Variants in PYGL observed in about 807,000 individuals in gnomAD.
PYGL encodes the protein glycogen phosphorylase L, also known as glycogen phosphorylase, liver form.
PYGL carries 90 observed loss-of-function variants against 100.1 expected under a neutral mutation model. That is an observed-to-expected ratio of 0.90 (90% CI 0.76 to 1.07). The LOEUF (loss-of-function observed/expected upper bound fraction) is 1.07. PYGL is among the 50% of genes least tolerant of loss of function. The pLI is 0.00. For missense variants in PYGL, 1,016 were observed against 1,057.6 expected, an observed-to-expected ratio of 0.96 and a Z score of 0.55; for synonymous variants, 373 against 393.0, an observed-to-expected ratio of 0.95 and a Z score of 0.60.
intron 19 of PYGL, among the ~76,000 whole-genome samples, chr14:50,907,476 A>G (rs1180296281): frequency 6.6e-6 from 1 of 152,160 alleles, no homozygotes; most frequent in Admixed American, 6.5e-5. Context: ...GGGGGCTGGC[A>G]TCTGTACTAT....
chr14:50,924,218 G>T, intron 4 of PYGL, 118 bp from the exon 5 acceptor site: 2 of 1,209,710 alleles, frequency 1.7e-6, no homozygotes, highest in Non-Finnish European at 2.3e-6. Context: ...TGAATACTGA[G>T]TACTGTTTTG....
chr14:50,935,182 C>T lies in PYGL; in HGVS notation c.349G>A (p.Gly117Arg), dbSNP rs2050643705. Residue 117 changes from glycine (G) to arginine (R), a missense_variant, in exon 3 of 20, where the codon GGA becomes AGA. By Grantham distance (125) the Gly-to-Arg change is moderately radical. Transcript: ENST00000216392. Reference protein sequence around the residue: ...NACDEAIYQLGLDIEELEEIE... With the variant: ...NACDEAIYQLRLDIEELEEIE... ...TCTTCTAACTCTTCTATATCCAATCCAAGCTGGTAATGAAAGGAAAACAAT... is the reference window on the plus strand; with the variant it reads ...TCTTCTAACTCTTCTATATCCAATCTAAGCTGGTAATGAAAGGAAAACAAT... 6.2e-7 allele frequency: 1 copy of T among 1,609,870 alleles called. No individual in the cohort carries two copies. Among genetic ancestry groups the T allele is most frequent in the Non-Finnish European group, 8.5e-7 (1 of 1,176,286 alleles).
rs556418436 is a variant in PYGL, at chr14:50,937,909, A to G, written c.244-72T>C. On this transcript the variant is annotated intron_variant, in intron 1 of 19. Transcript: ENST00000216392. ...TCACTTAACATAAAAACACAAGGTC[A>G]TGTGTTAGGTCACCAATAAGAAACA... 1.4e-5 allele frequency: 18 copies of G among 1,294,616 alleles called. No homozygotes were observed. In the South Asian group the frequency reaches 2.0e-4, roughly 14 times the overall value. 80.2% of individuals were successfully genotyped at this position (1,294,616 alleles called of 1,614,324 possible).
rs146216507 is a variant in PYGL, at chr14:50,905,725, A to G, written c.2380-169T>C. On this transcript the variant is annotated intron_variant, in intron 19 of 19. Coordinates refer to ENST00000216392, the MANE Select transcript of PYGL (RefSeq NM_002863.5). Reference sequence around the variant, plus strand: ...TCTGTTGAGAGGTAGAATAGAATGCACTTTTCTCATATTTAGAGTATAATT... The same window carrying G: ...TCTGTTGAGAGGTAGAATAGAATGCGCTTTTCTCATATTTAGAGTATAATT... Among the ~76,000 whole-genome samples, 832 of 152,340 alleles carry G rather than the reference A, an allele frequency of 5.5e-3. 6 individuals are homozygous for G. The highest frequency in any genetic ancestry group is 0.019 in the African/African-American group (793 of 41,572).
chr14:50,944,339 A>G lies in PYGL; in HGVS notation c.65T>C (p.Val22Ala). ...CTTCTTCAGCTCTGCCACGTTCTCCACGCCCACGATGCCGCGGATGCTGAT... is the reference window on the plus strand; with the variant it reads ...CTTCTTCAGCTCTGCCACGTTCTCCGCGCCCACGATGCCGCGGATGCTGAT... ...RQISIRGIVG[V>A]ENVAELKKSF... Residue 22 changes from valine to alanine, a missense_variant, in exon 1 of 20, where the codon GTG becomes GCG. Physicochemically the swap from Val to Ala is moderately conservative, Grantham distance 64. Coordinates refer to ENST00000216392, the MANE Select transcript of PYGL (RefSeq NM_002863.5). 1 of 1,613,818 alleles carries G rather than the reference A, an allele frequency of 6.2e-7. No homozygotes were observed. The highest frequency in any genetic ancestry group is 8.5e-7 in the Non-Finnish European group (1 of 1,179,832).
chr14:50,916,304 G>T (rs2050448289), intron 9 of PYGL, among the ~76,000 whole-genome samples: 1 of 152,216 alleles, frequency 6.6e-6, no homozygotes, highest in African/African-American at 2.4e-5. Flanking sequence ...TATGTAAAAT[G>T]CTGACTTCTA....
At chr14:50,933,536 C>T (rs2050621945) in intron 3 of PYGL, among the ~76,000 whole-genome samples, 1 of 152,080 alleles carries the variant, frequency 6.6e-6, no homozygotes, top group Admixed American at 6.6e-5. Context: ...TGTGGTAGTA[C>T]ATTTTTATTA....
At chr14:50,931,381 G>C (rs1482487063) in intron 4 of PYGL, among the ~76,000 whole-genome samples, 1 of 152,206 alleles carries the variant, frequency 6.6e-6, no homozygotes, top group African/African-American at 2.4e-5. Context: ...ATCACACATT[G>C]TAGGTGCTCC....
chr14:50,930,076 C>T (rs547217838), intron 4 of PYGL, among the ~76,000 whole-genome samples: 114 of 152,096 alleles, frequency 7.5e-4, no homozygotes, highest in African/African-American at 2.6e-3. Context: ...TCTATATCCT[C>T]TACTTATAGG....
Position 50,931,712 on chromosome 14 carries a change from T to C in PYGL, c.489A>G (p.Glu163=). 6.2e-7 allele frequency: 1 copy of C among 1,613,990 alleles called. No homozygotes were observed. The highest frequency in any genetic ancestry group is 1.3e-5 in the African/African-American group (1 of 75,024). Reference sequence around the variant, plus strand: ...GGATCTTCTGATTGAAAATCCCATATTCATACCGAATGCCGTATCCATAGG... The same window carrying C: ...GGATCTTCTGATTGAAAATCCCATACTCATACCGAATGCCGTATCCATAGG... ...LAAYGYGIRY[E]YGIFNQKIRD... Residue 163 remains glutamate, a synonymous_variant, in exon 4 of 20, where the codon GAA becomes GAG. Coordinates refer to ENST00000216392, the MANE Select transcript of PYGL (RefSeq NM_002863.5).
chr14:50,933,190 G>A (rs982131808), intron 3 of PYGL, among the ~76,000 whole-genome samples: 2 of 152,194 alleles, frequency 1.3e-5, no homozygotes, highest in East Asian at 1.9e-4. Context: ...CTGAGGGCTC[G>A]GGCTTCACAT....
intron 3 of PYGL, among the ~76,000 whole-genome samples, chr14:50,932,916 C>T (rs1371884686): frequency 1.3e-5 from 2 of 152,168 alleles, no homozygotes; most frequent in African/African-American, 4.8e-5. Context: ...ACACAAATGG[C>T]CTAGGCTTTC....
chr14:50,916,771 T>A, intron 8 of PYGL, 37 bp from the exon 9 acceptor site: 1 of 1,590,508 alleles, frequency 6.3e-7, no homozygotes, highest in Non-Finnish European at 8.6e-7. Flanking sequence ...AGGCAACGGA[T>A]GGCTCAGGGT....
intron 12 of PYGL, among the ~76,000 whole-genome samples, chr14:50,914,085 T>C (rs1444605330): frequency 1.3e-5 from 2 of 152,220 alleles, no homozygotes; most frequent in Admixed American, 6.5e-5. Flanking sequence ...GTTATTTATA[T>C]GAGCTTTATT....
At chr14:50,931,010 C>A (rs1465486771) in intron 4 of PYGL, among the ~76,000 whole-genome samples, 1 of 152,020 alleles carries the variant, frequency 6.6e-6, no homozygotes, top group African/African-American at 2.4e-5. Context: ...GTACAAATTT[C>A]TATGGGGCAG....
At chr14:50,916,533 A>G in intron 9 of PYGL, 109 bp downstream of exon 9, 1 of 1,014,718 alleles carries the variant, frequency 9.9e-7, no homozygotes, top group Non-Finnish European at 1.5e-6. Flanking sequence ...AACTGTTGAA[A>G]GTTAGCAACA....
rs1249753864 is a variant in PYGL at position 50,924,040 on chromosome 14, ATTCTGGGCGGGAC to A, written c.576_588del (p.Lys192AsnfsTer12). The A allele has an allele frequency of 6.2e-7, 1 of 1,613,734 alleles. No individual in the cohort carries two copies. The highest frequency in any genetic ancestry group is 1.7e-5 in the Admixed American group (1 of 60,030). On this transcript the variant is annotated frameshift_variant, in exon 5 of 20. Coordinates refer to ENST00000216392, the MANE Select transcript of PYGL (RefSeq NM_002863.5). LOFTEE classifies it high-confidence loss of function. ...CCATAGAAGTGCACAGGCAGCATGAATTCTGGGCGGGACTTCTCCCAAGGGTTTCCATATCTGA... is the reference window on the plus strand; with the variant it reads ...CCATAGAAGTGCACAGGCAGCATGAATTCTCCCAAGGGTTTCCATATCTGA...
chr14:50,915,265 C>T, intron 11 of PYGL, 71 bp downstream of exon 11: 1 of 1,555,974 alleles, frequency 6.4e-7, no homozygotes, highest in Non-Finnish European at 8.9e-7. Context: ...CTAAGTGCAA[C>T]CCTGCATTTA....
At position 50,920,617 on chromosome 14, in the gene PYGL, A is replaced by G. The variant is rs1179806221; in HGVS notation, c.779T>C (p.Val260Ala). The G allele has an allele frequency of 6.2e-7, 1 of 1,610,320 alleles. No homozygotes were observed. Among genetic ancestry groups the G allele is most frequent in the East Asian group, 2.2e-5 (1 of 44,862 alleles). Residue 260 changes from valine to alanine, a missense_variant, in exon 7 of 20, where the codon GTT becomes GCT. Val to Ala is a moderately conservative substitution (Grantham distance 64). Transcript: ENST00000216392. ...PNDFNLRDFN[V>A]GDYIQAVLDR... ...CAGCACAGCCTGAATGTAGTCTCCAACATTAACTAGGGGAAAGTTAGAGAA... is the reference window on the plus strand; with the variant it reads ...CAGCACAGCCTGAATGTAGTCTCCAGCATTAACTAGGGGAAAGTTAGAGAA...
Sources: gnomAD v4.1 joint callset for allele counts (sites outside exome capture counted in the v4.1 genomes callset) on GRCh38, gnomAD v4.1.1 for gene constraint, MANE v1.5 for transcripts, NCBI Gene and HGNC (gene_info 2026-07-23, HGNC 2026-07-21) for gene names.